Variants in MAP4 observed in about 807,000 individuals in gnomAD.
The protein encoded by MAP4 is microtubule-associated protein 4.
In MAP4, 76 loss-of-function variants were observed where a neutral mutation model predicts 170.2. The ratio of observed to expected loss-of-function variants is 0.45; its 90% CI spans 0.37 to 0.54. The LOEUF is 0.54. Among genes scored for constraint, MAP4 ranks in the 20% least tolerant of loss-of-function variants. MAP4 has a pLI of 0.00. For synonymous variants in MAP4, 909 were observed against 994.5 expected (o/e 0.91, Z 1.62); for missense variants, 2,506 against 2,748.0 (o/e 0.91, Z 1.97).
intron 1 of MAP4, among the ~76,000 whole-genome samples, chr3:48,053,734 T>C (rs1053363133): frequency 2.6e-5 from 4 of 152,262 alleles, no homozygotes; most frequent in South Asian, 4.1e-4. Context: ...GTAACACATA[T>C]TGATGATCTC....
intron 3 of MAP4, among the ~76,000 whole-genome samples, chr3:47,938,512 C>T (rs138240177): frequency 6.6e-6 from 1 of 152,252 alleles, no homozygotes; most frequent in African/African-American, 2.4e-5. Context: ...TAGCTAAGGA[C>T]ACAGATGTGT....
At chr3:47,872,397 A>G (rs1378048157) in intron 12 of MAP4, among the ~76,000 whole-genome samples, 1 of 152,038 alleles carries the variant, frequency 6.6e-6, no homozygotes, top group Non-Finnish European at 1.5e-5. Flanking sequence ...GTTAGCCAGG[A>G]TGATCTCGAT....
chr3:47,937,437 T>C (rs2100053626), intron 3 of MAP4, among the ~76,000 whole-genome samples: 1 of 152,118 alleles, frequency 6.6e-6, no homozygotes, highest in Non-Finnish European at 1.5e-5. Context: ...TTAGTAAAAA[T>C]ATTAAAAGCA....
rs1309253496 is a variant in MAP4, at chr3:47,870,939, G to C, written c.6168C>G (p.Ala2056=). 4 of 1,614,006 alleles carry C rather than the reference G, an allele frequency of 2.5e-6. No homozygotes were observed. The highest frequency in any genetic ancestry group is 1.3e-5 in the African/African-American group (1 of 74,950). Residue 2056 remains alanine (A), a synonymous_variant, in exon 15 of 21, where the codon GCC becomes GCG. Transcript: ENST00000683076. ...TPFIDKKPTS[A]KPSSTTPRLS... Reference sequence around the variant, plus strand: ...GCCGGGGGGTGGTGGAGCTGGGTTTGGCCGAGGTGGGCTTCTTGTCTATGA... The same window carrying C: ...GCCGGGGGGTGGTGGAGCTGGGTTTCGCCGAGGTGGGCTTCTTGTCTATGA...
At chr3:47,875,585 C>A (rs2095081784) in intron 12 of MAP4, 100 bp downstream of exon 12, 1 of 1,138,000 alleles carries the variant, frequency 8.8e-7, no homozygotes, top group East Asian at 2.6e-5. Context: ...TTCCCAATTC[C>A]ACCAGCCTGA....
intron 1 of MAP4, among the ~76,000 whole-genome samples, chr3:48,048,291 G>A (rs2100125640): frequency 6.6e-6 from 1 of 152,124 alleles, no homozygotes; most frequent in African/African-American, 2.4e-5. Context: ...CACAGACAAT[G>A]GAGCAAGTCA....
At chr3:47,951,807 G>A (rs1481102365) in intron 3 of MAP4, among the ~76,000 whole-genome samples, 1 of 151,758 alleles carries the variant, frequency 6.6e-6, no homozygotes, top group Non-Finnish European at 1.5e-5. Context: ...CTGCCTGGCC[G>A]CCCATCGTCT....
chr3:48,021,750 C>A (rs1425573053), intron 1 of MAP4, among the ~76,000 whole-genome samples: 1 of 152,128 alleles, frequency 6.6e-6, no homozygotes, highest in Admixed American at 6.6e-5. Flanking sequence ...TTTAAAAAGT[C>A]AAGAACAGCT....
chr3:47,880,833 G>C (rs2096598545), intron 10 of MAP4, among the ~76,000 whole-genome samples: 1 of 152,030 alleles, frequency 6.6e-6, no homozygotes, highest in Non-Finnish European at 1.5e-5. Context: ...AGTGTTTAAT[G>C]GACACCTGAG....
chr3:48,008,369 C>G (rs905770887), intron 1 of MAP4, among the ~76,000 whole-genome samples: 4 of 152,212 alleles, frequency 2.6e-5, no homozygotes, highest in Admixed American at 6.5e-5. Flanking sequence ...AAGTGGAGAG[C>G]TGCAGCACTA....
chr3:47,975,499 T>G (rs2100081511), intron 3 of MAP4: 1 of 1,436,476 alleles, frequency 7.0e-7, no homozygotes, highest in South Asian at 1.2e-5. Context: ...GAGGAAGAAG[T>G]AGGAAGGGGA....
chr3:48,086,260 T>C (rs1006480194), intron 1 of MAP4, among the ~76,000 whole-genome samples: 1 of 151,634 alleles, frequency 6.6e-6, no homozygotes, highest in Admixed American at 6.6e-5. Flanking sequence ...GAGGCAGAGG[T>C]TGCAGTGAGC....
intron 3 of MAP4, among the ~76,000 whole-genome samples, chr3:47,946,101 AT>A (rs74703535): frequency 3.4e-3 from 466 of 138,092 alleles, no homozygotes; most frequent in Admixed American, 4.0e-3. Flanking sequence ...TGCTTGGCTA[AT>A]TTTTTTTTTT....
rs569921494 is a variant in MAP4, at chr3:48,029,166, G to A, written c.-19-30287C>T. ...TCTCAAAATTAAATAAGCCAGGTGGGGTGGCTCACACCTGTAATCCCAGCA... is the reference window on the plus strand; with the variant it reads ...TCTCAAAATTAAATAAGCCAGGTGGAGTGGCTCACACCTGTAATCCCAGCA... On this transcript the variant is annotated intron_variant, in intron 1 of 18. Transcript: ENST00000360240. Among the ~76,000 whole-genome samples the A allele has an allele frequency of 1.1e-4, 17 of 150,904 alleles. No homozygotes were observed. In the South Asian group the frequency reaches 3.6e-3, roughly 32 times the overall value.
At chr3:47,963,162 T>C (rs1394599421) in intron 3 of MAP4, among the ~76,000 whole-genome samples, 2 of 152,222 alleles carry the variant, frequency 1.3e-5, no homozygotes, top group Admixed American at 6.5e-5. Context: ...AATGGACCAA[T>C]ATGCTCCAGT....
chr3:48,071,468 G>A (rs763850430), intron 1 of MAP4, among the ~76,000 whole-genome samples: 3 of 151,988 alleles, frequency 2.0e-5, no homozygotes, highest in Non-Finnish European at 2.9e-5. Context: ...AGGATCACCT[G>A]AAACCAGAAG....
chr3:47,971,987 T>C (rs556989431), intron 3 of MAP4, among the ~76,000 whole-genome samples: 16 of 152,350 alleles, frequency 1.1e-4, no homozygotes, highest in African/African-American at 3.8e-4. Context: ...TAATGGTCAA[T>C]TATTCCTTAT....
intron 1 of MAP4, among the ~76,000 whole-genome samples, chr3:48,083,322 G>A (rs2100147511): frequency 6.6e-6 from 1 of 152,140 alleles, no homozygotes; most frequent in South Asian, 2.1e-4. Context: ...TATTTAAAAG[G>A]AGTTTTAAAC....
At chr3:47,858,618 C>CGTTGTGTGTGTGTGTGT (rs2060496111) in intron 17 of MAP4, among the ~76,000 whole-genome samples, 4 of 113,690 alleles carry the variant, frequency 3.5e-5, no homozygotes, top group Admixed American at 3.4e-4. Flanking sequence ...TGTGTGTGCG[C>CGTTGTGTGTGTGTGTGT]GTTGTGTGTG....
Sources: gnomAD v4.1 joint callset for allele counts (sites outside exome capture counted in the v4.1 genomes callset) on GRCh38, gnomAD v4.1.1 for gene constraint, MANE v1.5 for transcripts, NCBI Gene and HGNC (gene_info 2026-07-23, HGNC 2026-07-21) for gene names.